LRP1B: variants seen among roughly 807,000 people sequenced by gnomAD.
The protein encoded by LRP1B is low-density lipoprotein receptor-related protein 1B.
A neutral mutation model predicts 556.6 loss-of-function variants in LRP1B; 217 were observed. The ratio of observed to expected loss-of-function variants is 0.39; its 90% CI spans 0.35 to 0.44. The LOEUF (loss-of-function observed/expected upper bound fraction) is 0.44. LRP1B is among the 20% of genes least tolerant of loss of function. The pLI, the probability that LRP1B is intolerant of heterozygous loss-of-function variation, is 1.00. For synonymous variants in LRP1B, 2,047 were observed against 1,865.8 expected, an observed-to-expected ratio of 1.10 and a Z score of -2.50; for missense variants, 5,053 against 5,620.8, an observed-to-expected ratio of 0.90 and a Z score of 3.23.
At chr2:140,971,225 G>A (rs931451837) in intron 18 of LRP1B, among the ~76,000 whole-genome samples, 1 of 152,128 alleles carries the variant, frequency 6.6e-6, no homozygotes, top group Non-Finnish European at 1.5e-5. Context: ...CTAAGAGAAA[G>A]GAGAGGATGC....
chr2:141,159,858 T>C (rs1330867017), intron 7 of LRP1B, among the ~76,000 whole-genome samples: 1 of 152,144 alleles, frequency 6.6e-6, no homozygotes, highest in Non-Finnish European at 1.5e-5. Flanking sequence ...TGGATGAACC[T>C]GGAAGCCATC....
chr2:140,369,479 G>A (rs1365287952), intron 71 of LRP1B, among the ~76,000 whole-genome samples: 1 of 151,918 alleles, frequency 6.6e-6, no homozygotes, highest in Non-Finnish European at 1.5e-5. Flanking sequence ...TTTCCACAAT[G>A]TTTGCTGTCT....
intron 31 of LRP1B, among the ~76,000 whole-genome samples, chr2:140,814,343 T>C (rs897459198): frequency 3.9e-5 from 6 of 152,156 alleles, no homozygotes; most frequent in African/African-American, 1.4e-4. Context: ...GGTATCTCTA[T>C]GGATTACCAA....
intron 18 of LRP1B, among the ~76,000 whole-genome samples, chr2:140,973,848 C>A (rs1696510847): frequency 6.6e-6 from 1 of 151,986 alleles, no homozygotes; most frequent in Non-Finnish European, 1.5e-5. Context: ...CAGAAGATCT[C>A]CAAAAATTTT....
chr2:140,288,320 C>A (rs1558773595), intron 84 of LRP1B, among the ~76,000 whole-genome samples: 3 of 151,556 alleles, frequency 2.0e-5, no homozygotes, highest in Admixed American at 1.3e-4. Flanking sequence ...GTGATTAAAT[C>A]TTTAATAGTT....
chr2:141,468,865 C>T (rs62166277), intron 3 of LRP1B, among the ~76,000 whole-genome samples: 66,820 of 151,852 alleles, frequency 0.44, 15,012 homozygotes, highest in Non-Finnish European at 0.49. Flanking sequence ...TCCTTGTATC[C>T]GACACTCAAG....
rs568799627 is a variant in LRP1B at position 141,516,939 on chromosome 2, C to A, written c.206-36406G>T. Among the ~76,000 whole-genome samples, 324 of 146,740 alleles carry A rather than the reference C, an allele frequency of 2.2e-3. 1 individual carries two copies. Among genetic ancestry groups the A allele is most frequent in the African/African-American group, 7.9e-3 (312 of 39,666 alleles). On this transcript the variant is annotated intron_variant, in intron 2 of 90. Transcript: ENST00000389484. ...CTCGAACTCCTGACCTCAGGTGATC[C>A]GCCTGCCTCGGTCTCCCAAATTGCT...
chr2:141,605,965 T>A (rs987622188), intron 2 of LRP1B, among the ~76,000 whole-genome samples: 3 of 152,092 alleles, frequency 2.0e-5, no homozygotes, highest in Non-Finnish European at 4.4e-5. Flanking sequence ...AAAAAAAACA[T>A]TGAGCCTAAA....
At position 142,125,254 on chromosome 2, in the gene LRP1B, G is replaced by A. The variant is rs866097236; in HGVS notation, c.82+5394C>T. Among the ~76,000 whole-genome samples, 5 of 151,904 alleles carry A rather than the reference G, an allele frequency of 3.3e-5. No individual in the cohort carries two copies. In the Middle Eastern group the frequency reaches 0.01, roughly 310 times the overall value. On this transcript the variant is annotated intron_variant, in intron 1 of 90. Transcript: ENST00000389484. ...AGAAAAAAAACAGCATATACATTTG[G>A]AAGATGTAAGCTTACTTGTTGTGCT...
At chr2:140,923,173 A>C (rs1190350970) in intron 20 of LRP1B, 26 bp from the exon 21 acceptor site, 62 of 1,568,822 alleles carry the variant, frequency 4.0e-5, no homozygotes, top group Non-Finnish European at 5.4e-5. Context: ...GGAAGAGAGA[A>C]GCAGAGGGGG....
chr2:141,348,940 G>A (rs1375566731), intron 3 of LRP1B, among the ~76,000 whole-genome samples: 1 of 151,894 alleles, frequency 6.6e-6, no homozygotes, highest in East Asian at 1.9e-4. Flanking sequence ...CTCTTCACCT[G>A]CTGCCATCCA....
intron 74 of LRP1B, among the ~76,000 whole-genome samples, chr2:140,356,978 A>G (rs1485779212): frequency 3.3e-5 from 5 of 151,820 alleles, no homozygotes; most frequent in Non-Finnish European, 4.4e-5. Flanking sequence ...TGCTGGACAT[A>G]CATATGAAGA....
chr2:141,330,021 T>C (rs898904922), intron 3 of LRP1B, among the ~76,000 whole-genome samples: 2 of 151,982 alleles, frequency 1.3e-5, no homozygotes, highest in African/African-American at 4.8e-5. Flanking sequence ...AAAGCTTAGC[T>C]AAGTGAGGTT....
chr2:140,511,270 C>CAAAATACAA (rs1463424917), intron 51 of LRP1B, among the ~76,000 whole-genome samples: 1 of 125,540 alleles, frequency 8.0e-6, no homozygotes, highest in African/African-American at 3.0e-5. Flanking sequence ...AGTGGGGTAT[C>CAAAATACAA]AAAATACAAT....
intron 1 of LRP1B, among the ~76,000 whole-genome samples, chr2:142,099,963 T>C (rs959506058): frequency 1.3e-5 from 2 of 151,934 alleles, no homozygotes; most frequent in East Asian, 3.9e-4. Flanking sequence ...TAGAAAGATG[T>C]CAATTGTAAT....
At position 141,928,828 on chromosome 2, in the gene LRP1B, C is replaced by T. The variant is rs536317105; in HGVS notation, c.83-118427G>A. ...GACAAGTAAGTCCTCTACTTTTGAC[C>T]TCAGCTATTCTTGGTCAAGAGCAAA... On this transcript the variant is annotated intron_variant, in intron 1 of 90. Transcript: ENST00000389484. Among the ~76,000 whole-genome samples, 6 of 152,216 alleles carry T rather than the reference C, an allele frequency of 3.9e-5. No individual in the cohort carries two copies. In the South Asian group the frequency reaches 1.2e-3, roughly 32 times the overall value.
chr2:140,542,867 A>G (rs1216336766), intron 43 of LRP1B, among the ~76,000 whole-genome samples: 1 of 152,142 alleles, frequency 6.6e-6, no homozygotes, highest in East Asian at 1.9e-4. Flanking sequence ...GTGCGTGCAC[A>G]TGTGTGCGAG....
At chr2:141,181,194 T>C (rs1199614299) in intron 7 of LRP1B, among the ~76,000 whole-genome samples, 1 of 151,930 alleles carries the variant, frequency 6.6e-6, no homozygotes, top group Non-Finnish European at 1.5e-5. Flanking sequence ...GTTTTTCAAC[T>C]GAATATCATG....
At chr2:140,390,595 CAATT>C (rs1248865781) in intron 66 of LRP1B, among the ~76,000 whole-genome samples, 3 of 151,968 alleles carry the variant, frequency 2.0e-5, no homozygotes, top group African/African-American at 7.2e-5. Context: ...GACTTCAACA[CAATT>C]AAAATGTTTT....
Sources: allele counts gnomAD v4.1 joint callset (sites outside exome capture counted in the v4.1 genomes callset), GRCh38; gene constraint gnomAD v4.1.1; transcripts MANE v1.5; gene names NCBI Gene and HGNC (gene_info 2026-07-23, HGNC 2026-07-21).